The following CHI3L2 variants were observed in gnomAD, a reference collection of about 807,000 sequenced individuals.
The protein encoded by CHI3L2 is chitinase 3 like 2.
CHI3L2 carries 47 observed loss-of-function variants against 47.3 expected under a neutral mutation model. The ratio of observed to expected loss-of-function variants is 0.99; its 90% CI spans 0.79 to 1.27. The LOEUF (loss-of-function observed/expected upper bound fraction) is 1.27, where lower values mean the gene tolerates loss of function less well. Ranked by LOEUF, CHI3L2 falls within the 50% of genes most tolerant of loss-of-function variation. The pLI, the probability that CHI3L2 is intolerant of heterozygous loss-of-function variation, is 0.00. For missense variants in CHI3L2, 497 were observed against 462.1 expected (o/e 1.08, Z -0.69); for synonymous variants, 198 against 169.9 (o/e 1.17, Z -1.28).
At chr1:111,237,619 A>C (rs1659922459) in intron 7 of CHI3L2, among the ~76,000 whole-genome samples, 1 of 152,192 alleles carries the variant, frequency 6.6e-6, no homozygotes, top group African/African-American at 2.4e-5. Context: ...TTTAAGGATA[A>C]GGAGACATAT....
At chr1:111,240,345 A>T (rs1267398363) in intron 8 of CHI3L2, among the ~76,000 whole-genome samples, 2 of 152,234 alleles carry the variant, frequency 1.3e-5, no homozygotes, top group African/African-American at 2.4e-5. Context: ...GACATGGGTC[A>T]TTGTGAGAGT....
rs747001603 is a variant in CHI3L2 at position 111,230,802 on chromosome 1, GA to G, written c.135del (p.Lys45AsnfsTer35). 1.7e-5 allele frequency: 28 copies of G among 1,613,908 alleles called. No homozygotes were observed. In the Admixed American group the frequency reaches 4.5e-4, roughly 26 times the overall value. On this transcript the variant is annotated frameshift_variant, in exon 3 of 11. Transcript: ENST00000369748. LOFTEE classifies it high-confidence loss of function. ...TGGTCCCAGGACCGGCAGGAACCAG[GA>G]AAATTCACCCCTGAGAATATTGACC... ...TNWSQDRQEP[G>X]KFTPENIDPF...
At chr1:111,235,174 C>A in intron 5 of CHI3L2, 117 bp downstream of exon 5, 1 of 1,054,884 alleles carries the variant, frequency 9.5e-7, no homozygotes. Context: ...AGTCTAACAG[C>A]CCCAGCCTTT....
In CHI3L2 at chr1:111,241,389, A is replaced by C. The variant is rs1326785600; in HGVS notation, c.981A>C (p.Ala327=). The stretch of plus-strand genomic sequence containing the variant: ...TCCAGGATCAGCAGGTTCCCTACGC[A>C]GTCAAGGGGAACCAGTGGGTGGGCT... ...TRLQDQQVPY[A]VKGNQWVGYD... The change falls in exon 9 of 11, where the codon GCA becomes GCC. Residue 327 remains alanine (A), a synonymous_variant. Transcript: ENST00000369748. The C allele has an allele frequency of 6.2e-7, 1 of 1,610,642 alleles. No homozygotes were observed. Among genetic ancestry groups the C allele is most frequent in the South Asian group, 1.1e-5 (1 of 91,010 alleles).
At chr1:111,239,041 G>T in intron 8 of CHI3L2, 109 bp downstream of exon 8, 1 of 1,101,542 alleles carries the variant, frequency 9.1e-7, no homozygotes, top group Non-Finnish European at 1.3e-6. Context: ...AGGGGAAAGG[G>T]CAGAGTACTA....
intron 1 of CHI3L2, 104 bp downstream of exon 1, chr1:111,227,873 T>A: frequency 8.4e-7 from 1 of 1,188,558 alleles, no homozygotes; most frequent in Non-Finnish European, 1.2e-6. Context: ...CTTCAGTCTT[T>A]CCGTTGACCT....
intron 1 of CHI3L2, among the ~76,000 whole-genome samples, chr1:111,228,888 G>C (rs1659606574): frequency 1.3e-5 from 2 of 152,178 alleles, no homozygotes; most frequent in Non-Finnish European, 2.9e-5. Flanking sequence ...AGGAGGATGT[G>C]TTAAGTATAG....
At chr1:111,233,139 G>T (rs1359439475) in intron 4 of CHI3L2, among the ~76,000 whole-genome samples, 1 of 152,138 alleles carries the variant, frequency 6.6e-6, no homozygotes, top group East Asian at 1.9e-4. Context: ...CCTTGGTGTG[G>T]GCATCTGAGA....
At chr1:111,228,085 G>A (rs1324530577) in intron 1 of CHI3L2, among the ~76,000 whole-genome samples, 1 of 152,230 alleles carries the variant, frequency 6.6e-6, no homozygotes, top group Non-Finnish European at 1.5e-5. Context: ...TGGTGTATGA[G>A]CGTTGTATTG....
At chr1:111,229,148 A>G (rs1315945101) in intron 1 of CHI3L2, among the ~76,000 whole-genome samples, 1 of 152,204 alleles carries the variant, frequency 6.6e-6, no homozygotes, top group Non-Finnish European at 1.5e-5. Flanking sequence ...ACAATAAACT[A>G]TATGGTCACC....
At chr1:111,240,628 T>C (rs1248526371) in intron 8 of CHI3L2, among the ~76,000 whole-genome samples, 1 of 152,248 alleles carries the variant, frequency 6.6e-6, no homozygotes, top group Non-Finnish European at 1.5e-5. Flanking sequence ...TTTCATTTTC[T>C]GCCCTCATTG....
chr1:111,242,324 C>G lies in CHI3L2; in HGVS notation c.1133C>G (p.Pro378Arg), dbSNP rs369476860. The stretch of plus-strand genomic sequence containing the variant: ...AAATCCTGCAACCAGGGCCCTTACC[C>G]TCTTGTCCAAGCAGTCAAGAGAAGC... ...TGKSCNQGPYPLVQAVKRSLG... is the reference protein window; with the variant it reads ...TGKSCNQGPYRLVQAVKRSLG... The change falls in exon 10 of 11, where the codon CCT becomes CGT. Residue 378 changes from proline (P) to arginine (R), a missense_variant. Physicochemically the swap from Pro to Arg is moderately radical, Grantham distance 103. Coordinates refer to ENST00000369748, the MANE Select transcript of CHI3L2 (RefSeq NM_004000.3). 1 of 1,613,554 alleles carries G rather than the reference C, an allele frequency of 6.2e-7. No individual in the cohort carries two copies. The highest frequency in any genetic ancestry group is 8.5e-7 in the Non-Finnish European group (1 of 1,179,788).
At chr1:111,232,707 T>A (rs1385392780) in intron 4 of CHI3L2, among the ~76,000 whole-genome samples, 1 of 152,232 alleles carries the variant, frequency 6.6e-6, no homozygotes, top group Non-Finnish European at 1.5e-5. Context: ...TGCCAGGTGC[T>A]GTGCAGAATA....
intron 9 of CHI3L2, 152 bp from the exon 10 acceptor site, chr1:111,242,075 G>A (rs79946817): frequency 2.8e-4 from 256 of 900,646 alleles, no homozygotes; most frequent in South Asian, 5.5e-4. Context: ...CTCTCCCTGA[G>A]CAATCTTACC....
At chr1:111,233,174 T>C (rs776800433) in intron 4 of CHI3L2, among the ~76,000 whole-genome samples, 2 of 152,212 alleles carry the variant, frequency 1.3e-5, no homozygotes. Flanking sequence ...TTCAGAATTC[T>C]AGTTCAGATG....
intron 7 of CHI3L2, among the ~76,000 whole-genome samples, chr1:111,236,728 T>C (rs1659898839): frequency 6.6e-6 from 1 of 152,340 alleles, no homozygotes; most frequent in African/African-American, 2.4e-5. Context: ...TCCTTGCCCA[T>C]TGATTTATCA....
intron 1 of CHI3L2, among the ~76,000 whole-genome samples, chr1:111,228,980 C>G (rs1294209796): frequency 6.6e-6 from 1 of 152,030 alleles, no homozygotes; most frequent in East Asian, 1.9e-4. Flanking sequence ...GTTTAAAGCA[C>G]TACCAGGGCC....
intron 4 of CHI3L2, among the ~76,000 whole-genome samples, chr1:111,233,777 A>G (rs1462924847): frequency 2.0e-5 from 3 of 151,876 alleles, no homozygotes; most frequent in African/African-American, 7.3e-5. Flanking sequence ...AAAGATTGAG[A>G]AATCGGATGG....
chr1:111,238,997 T>G (rs535477787), intron 8 of CHI3L2, 65 bp downstream of exon 8: 2 of 1,455,830 alleles, frequency 1.4e-6, no homozygotes, highest in South Asian at 2.8e-5. Flanking sequence ...CATCTTCAAT[T>G]TGACAGCAGA....
Sources: gnomAD v4.1 joint callset for allele counts (sites outside exome capture counted in the v4.1 genomes callset) on GRCh38, gnomAD v4.1.1 for gene constraint, MANE v1.5 for transcripts, NCBI Gene and HGNC (gene_info 2026-07-23, HGNC 2026-07-21) for gene names.